Variants in NUMA1 observed in about 807,000 individuals in gnomAD.
NUMA1 encodes nuclear mitotic apparatus protein 1.
In NUMA1, 62 loss-of-function variants were observed where a neutral mutation model predicts 237.1. That is an observed-to-expected ratio of 0.26 (90% CI 0.21 to 0.32). NUMA1 has a LOEUF of 0.32. NUMA1 is among the 10% of genes least tolerant of loss of function. The pLI is 1.00. For missense variants in NUMA1, 2,533 were observed against 2,666.5 expected, an observed-to-expected ratio of 0.95 and a Z score of 1.10; for synonymous variants, 1,028 against 1,066.1, an observed-to-expected ratio of 0.96 and a Z score of 0.70.
chr11:72,046,775 C>T (rs942066682), intron 2 of NUMA1, among the ~76,000 whole-genome samples: 6 of 151,558 alleles, frequency 4.0e-5, no homozygotes, highest in Non-Finnish European at 5.9e-5. Context: ...ACCTATCCAA[C>T]GTGACAAAAT....
chr11:72,008,569 TTTCGTTA>T lies in NUMA1; in HGVS notation c.5216+112_5216+118del, dbSNP rs747348934. On this transcript the variant is annotated intron_variant, in intron 20 of 26. Coordinates refer to ENST00000393695, the MANE Select transcript of NUMA1 (RefSeq NM_006185.4). ...ATAGATATCTGGTATAATACCCGTT[TTTCGTTA>T]TTCTTCTCTAAGAATAAATTTAGAT... 16 of 1,199,432 alleles carry T rather than the reference TTTCGTTA, an allele frequency of 1.3e-5. 1 individual carries two copies. Among genetic ancestry groups the T allele is most frequent in the Admixed American group, 7.5e-5 (4 of 53,172 alleles). 74.3% of individuals were successfully genotyped at this position (1,199,432 alleles called of 1,614,324 possible). A position where few individuals can be genotyped will look rare whatever the true frequency, so the allele number is the denominator to read the frequency against.
chr11:72,079,616 G>A (rs1177054798), intron 1 of NUMA1, among the ~76,000 whole-genome samples: 3 of 151,868 alleles, frequency 2.0e-5, no homozygotes, highest in Non-Finnish European at 4.4e-5. Context: ...CATCAACCCA[G>A]TGGGCTCCCG....
chr11:72,028,415 T>C (rs1428530679), intron 4 of NUMA1, among the ~76,000 whole-genome samples: 2 of 143,044 alleles, frequency 1.4e-5, no homozygotes, highest in African/African-American at 5.3e-5. Flanking sequence ...CAGTCTATCC[T>C]TGGCCTGGGG....
At chr11:72,021,018 C>T in intron 8 of NUMA1, 186 bp downstream of exon 8, 1 of 583,878 alleles carries the variant, frequency 1.7e-6, no homozygotes, top group South Asian at 2.3e-5. Context: ...GGAGGAGCTC[C>T]ATAGGAACTG....
At position 72,004,812 on chromosome 11, in the gene NUMA1, G is replaced by C. The variant is rs1955567689; in HGVS notation, c.5834C>G (p.Ser1945Cys). The change falls in exon 24 of 27, where the codon TCC (serine) becomes TGC (cysteine). Residue 1945 changes from serine to cysteine, a missense_variant. Transcript: ENST00000393695. Reference protein sequence around the residue: ...KTCYPLESRPSLSLGTITDEE... With the variant: ...KTCYPLESRPCLSLGTITDEE... ...ATCTGTGATGGTGCCCAGGCTCAGG[G>C]AAGGCTGCATGGGTGGAAGAGGTGG... 6.4e-7 allele frequency: 1 copy of C among 1,571,284 alleles called. No homozygotes were observed. The highest frequency in any genetic ancestry group is 8.6e-7 in the Non-Finnish European group (1 of 1,159,630).
At chr11:72,075,808 A>G (rs1214682374) in intron 1 of NUMA1, among the ~76,000 whole-genome samples, 1 of 152,198 alleles carries the variant, frequency 6.6e-6, no homozygotes, top group Non-Finnish European at 1.5e-5. Context: ...TCAAGAAAGT[A>G]AGAAAAATCC....
intron 2 of NUMA1, among the ~76,000 whole-genome samples, chr11:72,056,635 T>TTAAA (rs1281316084): frequency 7.1e-4 from 54 of 75,990 alleles, no homozygotes; most frequent in African/African-American, 3.2e-3. Flanking sequence ...CCCATCTCTT[T>TTAAA]AAAAAAAAAA....
chr11:72,017,370 TTAC>T (rs1937988135), intron 13 of NUMA1: 2 of 407,284 alleles, frequency 4.9e-6, no homozygotes, highest in Middle Eastern at 7.2e-4. Context: ...CAGCTACTCG[TTAC>T]TACTCCCATT....
At position 72,007,299 on chromosome 11, in the gene NUMA1, G is replaced by T. The variant is rs769598253; in HGVS notation, c.5353C>A (p.Pro1785Thr). 1.2e-6 allele frequency: 2 copies of T among 1,613,374 alleles called. No individual in the cohort carries two copies. Among genetic ancestry groups the T allele is most frequent in the South Asian group, 1.1e-5 (1 of 91,048 alleles). The change falls in exon 21 of 27, where the codon CCC (proline) becomes ACC (threonine). Residue 1785 changes from proline (P) to threonine (T), a missense_variant. Coordinates refer to ENST00000393695, the MANE Select transcript of NUMA1 (RefSeq NM_006185.4). The part of the protein sequence containing the change: ...FTPIPARSQA[P>T]LESSLDSLGD... ...AGGGAGTCCAGGCTGCTCTCCAGGGGGGCCTGACTCCGAGCAGGGATGGGA... is the reference window on the plus strand; with the variant it reads ...AGGGAGTCCAGGCTGCTCTCCAGGGTGGCCTGACTCCGAGCAGGGATGGGA...
Position 72,010,716 on chromosome 11 carries a change from G to A in NUMA1, c.4719+70C>T, listed in dbSNP as rs939306872. 19 of 1,381,204 alleles carry A rather than the reference G, an allele frequency of 1.4e-5. No homozygotes were observed. In the Admixed American group the frequency reaches 1.8e-4, roughly 13 times the overall value. The allele number at this position is 1,381,204 out of a possible 1,614,324, so 85.6% of individuals were successfully genotyped here. On this transcript the variant is annotated intron_variant, in intron 17 of 26. Transcript: ENST00000393695. ...CCTCTTCTGCCCCGACACCCCCCACGGCCCCAGAGCTTAGAGAATAGCTTC... is the reference window on the plus strand; with the variant it reads ...CCTCTTCTGCCCCGACACCCCCCACAGCCCCAGAGCTTAGAGAATAGCTTC...
At chr11:72,033,364 G>GTTTT (rs58353057) in intron 3 of NUMA1, among the ~76,000 whole-genome samples, 1 of 144,672 alleles carries the variant, frequency 6.9e-6, no homozygotes, top group South Asian at 2.2e-4. Flanking sequence ...CATGTTCTTT[G>GTTTT]TTTTTTTTTT....
At chr11:72,078,438 A>C (rs1426820858) in intron 1 of NUMA1, among the ~76,000 whole-genome samples, 1 of 152,258 alleles carries the variant, frequency 6.6e-6, no homozygotes, top group Non-Finnish European at 1.5e-5. Context: ...AGTTTTATCA[A>C]TTAGACACAG....
chr11:72,027,851 C>T (rs951025894), intron 4 of NUMA1, among the ~76,000 whole-genome samples: 53 of 152,114 alleles, frequency 3.5e-4, no homozygotes, highest in African/African-American at 1.2e-3. Flanking sequence ...GAGGGAGGGA[C>T]GCTGGATGTG....
At chr11:72,010,928 A>G (rs1956117184) in intron 16 of NUMA1, 74 bp from the exon 17 acceptor site, 5 of 1,342,222 alleles carry the variant, frequency 3.7e-6, no homozygotes, top group Middle Eastern at 3.6e-4. Context: ...TCCACCCATC[A>G]TGGGGTTTCC....
rs919454433 is a variant in NUMA1 at position 72,003,074 on chromosome 11, C to G, written c.*453G>C. 1.7e-5 allele frequency: 4 copies of G among 240,766 alleles called. No homozygotes were observed. The highest frequency in any genetic ancestry group is 3.3e-5 in the Non-Finnish European group (4 of 122,680). 14.9% of individuals were successfully genotyped at this position (240,766 alleles called of 1,614,324 possible). A position where few individuals can be genotyped will look rare whatever the true frequency, so the allele number is the denominator to read the frequency against. On this transcript the variant is annotated 3_prime_UTR_variant, in exon 27 of 27. Coordinates refer to ENST00000393695, the MANE Select transcript of NUMA1 (RefSeq NM_006185.4). Reference sequence around the variant, plus strand: ...GGGAAAGAGCATCCTCTGGCAGGTGCTCCCACCAGGTCAGACCCAGTCCTG... The same window carrying G: ...GGGAAAGAGCATCCTCTGGCAGGTGGTCCCACCAGGTCAGACCCAGTCCTG...
chr11:72,015,080 T>C lies in NUMA1; in HGVS notation c.2423A>G (p.Lys808Arg). 1 of 1,614,028 alleles carries C rather than the reference T, an allele frequency of 6.2e-7. No individual in the cohort carries two copies. The highest frequency in any genetic ancestry group is 8.5e-7 in the Non-Finnish European group (1 of 1,180,034). The change falls in exon 15 of 27, where the codon AAA (lysine) becomes AGA (arginine). Residue 808 changes from lysine (K) to arginine (R), a missense_variant. By Grantham distance (26) the Lys-to-Arg change is conservative (BLOSUM62 2). This residue lies in a region of NUMA1 where 1,414 missense variants were observed against 1,508.1 expected (regional missense o/e 0.94). Transcript: ENST00000393695. This position sits in a 1 kb window ranked among gnomAD's most constrained non-coding sequence, Gnocchi z 4.0. ...CCGCTCACGCCAGGCAGCTACTTCT[T>C]TGACGAGCTGCTCACACTCACTCTC... ...TAESECEQLV[K>R]EVAAWRERYE...
intron 2 of NUMA1, chr11:72,065,670 A>G (rs1358845228): frequency 6.6e-6 from 1 of 152,200 alleles, no homozygotes; most frequent in Non-Finnish European, 1.5e-5. Flanking sequence ...TTTTTCAATC[A>G]GGCTTAAAAA....
At chr11:72,062,437 G>A (rs1305094119) in intron 2 of NUMA1, among the ~76,000 whole-genome samples, 1 of 152,084 alleles carries the variant, frequency 6.6e-6, no homozygotes, top group African/African-American at 2.4e-5. Context: ...TTTAGGCCAG[G>A]CGCGGTGGCT....
chr11:72,050,027 C>T (rs1942253477), intron 2 of NUMA1, among the ~76,000 whole-genome samples: 1 of 151,976 alleles, frequency 6.6e-6, no homozygotes, highest in Non-Finnish European at 1.5e-5. Flanking sequence ...AGGACCCATC[C>T]CCAAAGCGAG....
Sources: gnomAD v4.1 joint callset for allele counts (sites outside exome capture counted in the v4.1 genomes callset) on GRCh38, gnomAD v4.1.1 for gene constraint, gnomAD v4.1.1 regional missense constraint, Gnocchi (gnomAD v3.1) non-coding constraint, MANE v1.5 for transcripts, NCBI Gene and HGNC (gene_info 2026-07-23, HGNC 2026-07-21) for gene names.